Variants in KDM4C observed in about 807,000 individuals in gnomAD.
KDM4C encodes the protein lysine-specific demethylase 4C.
Under a neutral mutation model 129.3 loss-of-function variants are expected in KDM4C, and 81 were observed. That is an observed-to-expected ratio of 0.63 (90% CI 0.52 to 0.75). KDM4C has a LOEUF of 0.75. KDM4C is among the 30% of genes least tolerant of loss of function. The pLI is 0.00. For missense variants in KDM4C, 1,457 were observed against 1,304.0 expected (o/e 1.12, Z -1.81); for synonymous variants, 573 against 456.1 (o/e 1.26, Z -3.26).
At chr9:6,762,288 C>T (rs1486975324) in intron 1 of KDM4C, among the ~76,000 whole-genome samples, 1 of 151,834 alleles carries the variant, frequency 6.6e-6, no homozygotes, top group Non-Finnish European at 1.5e-5. Flanking sequence ...GTGATGTTCC[C>T]CTCCCTGTGT....
intron 8 of KDM4C, among the ~76,000 whole-genome samples, chr9:6,922,474 T>C (rs1821713487): frequency 6.6e-6 from 1 of 152,244 alleles, no homozygotes; most frequent in Admixed American, 6.5e-5. Context: ...AGGCTGTGCA[T>C]GTTGGCTCAC....
chr9:6,803,639 C>T (rs1333558772), intron 2 of KDM4C, among the ~76,000 whole-genome samples: 1 of 150,714 alleles, frequency 6.6e-6, no homozygotes, highest in Non-Finnish European at 1.5e-5. Flanking sequence ...TGGCCAGGTG[C>T]AGTGACTATT....
At chr9:6,978,865 T>A (rs1480986001) in intron 8 of KDM4C, 1 of 152,196 alleles carries the variant, frequency 6.6e-6, no homozygotes, top group South Asian at 2.1e-4. Context: ...CACTCCTCTT[T>A]GACCATGGCT....
intron 3 of KDM4C, among the ~76,000 whole-genome samples, chr9:6,810,214 T>C (rs1830892336): frequency 6.6e-6 from 1 of 152,222 alleles, no homozygotes; most frequent in Admixed American, 6.5e-5. Flanking sequence ...GTACACATTT[T>C]ATACATATCT....
At chr9:6,877,866 G>A (rs1336794176) in intron 5 of KDM4C, among the ~76,000 whole-genome samples, 2 of 152,192 alleles carry the variant, frequency 1.3e-5, no homozygotes, top group Non-Finnish European at 2.9e-5. Flanking sequence ...TCTTCAGACT[G>A]TCCTTTGTCA....
Position 6,939,976 on chromosome 9 carries a change from A to ACCTACCTTCCTTCCTT in KDM4C, c.922-40946_922-40945insACCTTCCTTCCTTCCT, listed in dbSNP as rs1458974643. ...CAATAACCAACCTACCTACCTACCT[A>ACCTACCTTCCTTCCTT]CCTTCCTTCCTTCCTTCCTTCCTTC... On this transcript the variant is annotated intron_variant, in intron 8 of 21. Coordinates refer to ENST00000381309, the MANE Select transcript of KDM4C (RefSeq NM_015061.6). Among the ~76,000 whole-genome samples the ACCTACCTTCCTTCCTT allele has an allele frequency of 7.2e-3, 669 of 93,484 alleles. 7 individuals carry two copies. The highest frequency in any genetic ancestry group is 0.011 in the Non-Finnish European group (496 of 44,666). The allele number at this position is 93,484 out of a possible 152,430, so 61.3% of individuals were successfully genotyped here.
intron 14 of KDM4C, among the ~76,000 whole-genome samples, chr9:7,014,896 T>C (rs1823367479): frequency 6.8e-6 from 1 of 147,404 alleles, no homozygotes. Flanking sequence ...ATCTTCTTTT[T>C]GTATTGAAGG....
At chr9:6,957,405 C>G (rs1589306445) in intron 8 of KDM4C, among the ~76,000 whole-genome samples, 1 of 152,150 alleles carries the variant, frequency 6.6e-6, no homozygotes, top group South Asian at 2.1e-4. Context: ...CATTCGCTTT[C>G]CATTGAAACT....
intron 8 of KDM4C, among the ~76,000 whole-genome samples, chr9:6,906,425 C>T (rs1288456835): frequency 9.9e-5 from 15 of 152,110 alleles, no homozygotes; most frequent in Admixed American, 8.5e-4. Flanking sequence ...AGTCTATGGG[C>T]GAATTGGGAG....
intron 4 of KDM4C, among the ~76,000 whole-genome samples, chr9:6,832,470 G>A: frequency 7.5e-6 from 1 of 133,490 alleles, no homozygotes; most frequent in Admixed American, 7.9e-5. Context: ...CTGTCACCCA[G>A]GCTGGAGTGC....
intron 8 of KDM4C, among the ~76,000 whole-genome samples, chr9:6,936,038 T>G (rs1450861034): frequency 6.6e-6 from 1 of 152,204 alleles, no homozygotes; most frequent in Non-Finnish European, 1.5e-5. Flanking sequence ...TTGCTTTGAA[T>G]TTTTACAAAC....
intron 5 of KDM4C, among the ~76,000 whole-genome samples, chr9:6,867,309 C>T (rs1404855897): frequency 1.3e-5 from 2 of 152,118 alleles, no homozygotes; most frequent in East Asian, 1.9e-4. Context: ...CCGCTGCGCC[C>T]GGCCAGTGCT....
intron 15 of KDM4C, among the ~76,000 whole-genome samples, chr9:7,045,367 A>G (rs1829245075): frequency 6.6e-6 from 1 of 152,110 alleles, no homozygotes; most frequent in Non-Finnish European, 1.5e-5. Context: ...CTTCATGTAT[A>G]CAACGAAAGT....
At chr9:6,969,175 A>G (rs1357612068) in intron 8 of KDM4C, among the ~76,000 whole-genome samples, 1 of 152,148 alleles carries the variant, frequency 6.6e-6, no homozygotes, top group African/African-American at 2.4e-5. Context: ...ACCTCAAGTG[A>G]TCTGCCTGCG....
intron 19 of KDM4C, among the ~76,000 whole-genome samples, chr9:7,133,105 T>G (rs965334001): frequency 3.3e-5 from 5 of 152,242 alleles, no homozygotes; most frequent in Non-Finnish European, 7.3e-5. Context: ...GCTTAAATTT[T>G]CCAGCCCCAG....
chr9:6,999,274 A>G (rs1450934985), intron 12 of KDM4C, among the ~76,000 whole-genome samples: 1 of 152,196 alleles, frequency 6.6e-6, no homozygotes, highest in Non-Finnish European at 1.5e-5. Context: ...TATTTTAAGG[A>G]TTTATTAAGT....
At chr9:6,999,141 G>A (rs567486435) in intron 12 of KDM4C, among the ~76,000 whole-genome samples, 13 of 152,184 alleles carry the variant, frequency 8.5e-5, no homozygotes, top group African/African-American at 2.9e-4. Flanking sequence ...AGAATTGGCT[G>A]TTGCCCTTTA....
At chr9:7,083,690 G>A (rs1834793038) in intron 17 of KDM4C, among the ~76,000 whole-genome samples, 2 of 147,314 alleles carry the variant, frequency 1.4e-5, no homozygotes, top group South Asian at 4.3e-4. Context: ...TGACTGAAAC[G>A]TCCCATGTAG....
chr9:6,840,381 A>G (rs1317242213), intron 4 of KDM4C, among the ~76,000 whole-genome samples: 8 of 149,248 alleles, frequency 5.4e-5, no homozygotes, highest in Non-Finnish European at 1.2e-4. Flanking sequence ...CCTTTGTTCT[A>G]ATTTTCTCTT....
Sources: allele counts gnomAD v4.1 joint callset (sites outside exome capture counted in the v4.1 genomes callset), GRCh38; gene constraint gnomAD v4.1.1; transcripts MANE v1.5; gene names NCBI Gene and HGNC (gene_info 2026-07-23, HGNC 2026-07-21).